WWC2: variants seen among roughly 807,000 people sequenced by gnomAD.
WWC2 encodes WW and C2 domain containing 2.
A neutral mutation model predicts 138.5 loss-of-function variants in WWC2; 101 were observed. That is an observed-to-expected ratio of 0.73 (90% confidence interval 0.62 to 0.86). WWC2 has a LOEUF of 0.86. Ranked by LOEUF, WWC2 falls within the 40% of genes least tolerant of loss-of-function variation. The pLI is 0.00. For synonymous variants in WWC2, 558 were observed against 538.4 expected, an observed-to-expected ratio of 1.04 and a Z score of -0.50; for missense variants, 1,420 against 1,419.4, an observed-to-expected ratio of 1.00 and a Z score of -0.01.
At chr4:183,151,806 A>T (rs557324383) in intron 1 of WWC2, among the ~76,000 whole-genome samples, 17 of 152,174 alleles carry the variant, frequency 1.1e-4, no homozygotes, top group Non-Finnish European at 2.2e-4. Flanking sequence ...AATCCTTTCA[A>T]CATTTCTTGT....
In WWC2 at chr4:183,248,803, T is replaced by C. The variant is rs760341299; in HGVS notation, c.822T>C (p.His274=). The C allele has an allele frequency of 6.2e-7, 1 of 1,603,920 alleles. No individual in the cohort carries two copies. Among genetic ancestry groups the C allele is most frequent in the South Asian group, 1.1e-5 (1 of 88,882 alleles). The part of the protein sequence containing the change: ...PDLRCSPVNS[H]LCLSRQTLDA... Reference sequence around the variant, plus strand: ...TGAGATGTAGTCCTGTGAACTCTCATTTATGTCTCTCCAGACAGACCCTTG... The same window carrying C: ...TGAGATGTAGTCCTGTGAACTCTCACTTATGTCTCTCCAGACAGACCCTTG... The change falls in exon 7 of 23, where the codon CAT becomes CAC. Residue 274 remains histidine (H), a synonymous_variant. Coordinates refer to ENST00000403733, the MANE Select transcript of WWC2 (RefSeq NM_024949.6).
At chr4:183,282,991 G>A in intron 18 of WWC2, 85 bp downstream of exon 18, 2 of 1,352,704 alleles carry the variant, frequency 1.5e-6, no homozygotes, top group Non-Finnish European at 2.0e-6. Context: ...CTCCTTAGGT[G>A]TAAATTCCAT....
At position 183,268,940 on chromosome 4, in the gene WWC2, A is replaced by G. The variant is rs371139690; in HGVS notation, c.2208-31A>G. ...TGAATCTGGTATAATTAAAGTACCT[A>G]TGAAATCCATTTTATTCTTGTTCTT... is the stretch of plus-strand genomic sequence containing the variant. On this transcript the variant is annotated intron_variant, in intron 14 of 22. Coordinates refer to ENST00000403733, the MANE Select transcript of WWC2 (RefSeq NM_024949.6). 68 of 1,580,598 alleles carry G rather than the reference A, an allele frequency of 4.3e-5. No individual in the cohort carries two copies. The African/African-American group carries it at 8.7e-4, about 20-fold the overall frequency.
Position 183,254,090 on chromosome 4 carries a change from G to A in WWC2, c.1196+91G>A, listed in dbSNP as rs1438954930. On this transcript the variant is annotated intron_variant, in intron 9 of 22. Transcript: ENST00000403733. ...TTCCCTGGGTTTGGAAATCTCAATT[G>A]CATCTGTTCTTAGTGGACTGAGAAA... The A allele has an allele frequency of 3.3e-6, 5 of 1,511,780 alleles. No individual in the cohort carries two copies. In the African/African-American group the frequency reaches 5.6e-5, roughly 17 times the overall value. 93.6% of individuals were successfully genotyped at this position (1,511,780 alleles called of 1,614,324 possible). A position where few individuals can be genotyped will look rare whatever the true frequency, so the allele number is the denominator to read the frequency against.
intron 1 of WWC2, among the ~76,000 whole-genome samples, chr4:183,109,970 A>T (rs1263221076): frequency 6.6e-6 from 1 of 152,208 alleles, no homozygotes; most frequent in African/African-American, 2.4e-5. Context: ...TAAGGTAAGA[A>T]TGATTTCATG....
At chr4:183,236,199 A>G (rs572415724) in intron 4 of WWC2, among the ~76,000 whole-genome samples, 18 of 152,278 alleles carry the variant, frequency 1.2e-4, no homozygotes, top group East Asian at 5.8e-4. Flanking sequence ...TTCTATGTCA[A>G]TGTGTCTGTC....
chr4:183,246,021 TG>T (rs1736768834), intron 6 of WWC2, among the ~76,000 whole-genome samples: 1 of 152,040 alleles, frequency 6.6e-6, no homozygotes, highest in African/African-American at 2.4e-5. Flanking sequence ...CAGCTAAGGG[TG>T]GGGCGGGGAG....
chr4:183,244,917 A>G (rs1330778457), intron 5 of WWC2, among the ~76,000 whole-genome samples: 5 of 152,134 alleles, frequency 3.3e-5, no homozygotes, highest in African/African-American at 1.2e-4. Flanking sequence ...TTTGAGCCCA[A>G]AAGTGATTAG....
At chr4:183,145,339 G>T (rs1733422667) in intron 1 of WWC2, among the ~76,000 whole-genome samples, 2 of 150,222 alleles carry the variant, frequency 1.3e-5, no homozygotes, top group Non-Finnish European at 2.9e-5. Flanking sequence ...TATTTAGAAG[G>T]ATTATTTTTT....
chr4:183,141,366 T>A (rs1450651020), intron 1 of WWC2, among the ~76,000 whole-genome samples: 3 of 152,124 alleles, frequency 2.0e-5, no homozygotes, highest in Non-Finnish European at 4.4e-5. Context: ...AGAACATCAA[T>A]TCTATGAGAT....
At chr4:183,126,524 C>T (rs559355293) in intron 1 of WWC2, among the ~76,000 whole-genome samples, 1 of 152,114 alleles carries the variant, frequency 6.6e-6, no homozygotes, top group Non-Finnish European at 1.5e-5. Context: ...TGGCAAATAA[C>T]ACTAGGGGGT....
At chr4:183,184,141 C>T (rs1035869583) in intron 1 of WWC2, among the ~76,000 whole-genome samples, 3 of 152,078 alleles carry the variant, frequency 2.0e-5, no homozygotes, top group African/African-American at 4.8e-5. Flanking sequence ...TTCTATTTAC[C>T]CCTTTCCTTG....
rs1240093383 is a variant in WWC2, at chr4:183,277,841, A to C, written c.2563-2935A>C. 2.7e-4 allele frequency among the ~76,000 whole-genome samples: 41 copies of C among 150,038 alleles called. 2 individuals are homozygous for C. The highest frequency in any genetic ancestry group is 3.0e-5 in the Non-Finnish European group (2 of 67,044). On this transcript the variant is annotated intron_variant, in intron 16 of 22. Coordinates refer to ENST00000403733, the MANE Select transcript of WWC2 (RefSeq NM_024949.6). ...TTTGATGGGGTTGTTTTTTTCTTGTAAATTTGTTTGAGTTCATTGTAGATT... is the reference window on the plus strand; with the variant it reads ...TTTGATGGGGTTGTTTTTTTCTTGTCAATTTGTTTGAGTTCATTGTAGATT...
intron 21 of WWC2, among the ~76,000 whole-genome samples, chr4:183,309,705 C>G (rs1579077574): frequency 6.6e-6 from 1 of 152,340 alleles, no homozygotes; most frequent in Middle Eastern, 3.4e-3. Context: ...ACATACAATT[C>G]AGCAGTTGTG....
chr4:183,171,615 G>A (rs1037129145), intron 1 of WWC2, among the ~76,000 whole-genome samples: 8 of 149,120 alleles, frequency 5.4e-5, no homozygotes, highest in African/African-American at 1.0e-4. Context: ...AAAACTTTAC[G>A]TTAATCAAAG....
At chr4:183,146,195 G>A (rs894283004) in intron 1 of WWC2, among the ~76,000 whole-genome samples, 2 of 152,144 alleles carry the variant, frequency 1.3e-5, no homozygotes, top group Non-Finnish European at 2.9e-5. Flanking sequence ...ATGCCAAGTG[G>A]GGTTCTGATT....
chr4:183,188,362 C>A (rs955667075), intron 1 of WWC2, among the ~76,000 whole-genome samples: 7 of 151,844 alleles, frequency 4.6e-5, no homozygotes, highest in African/African-American at 1.7e-4. Flanking sequence ...CTCAGCCTCC[C>A]GAGTAGCTGG....
At chr4:183,219,127 T>C (rs1735849360) in intron 4 of WWC2, among the ~76,000 whole-genome samples, 1 of 152,102 alleles carries the variant, frequency 6.6e-6, no homozygotes, top group South Asian at 2.1e-4. Flanking sequence ...GTAAGGTACC[T>C]AGAATAAGCA....
In WWC2 at chr4:183,168,042, G is replaced by A. The variant is rs567252391; in HGVS notation, c.132-25557G>A. On this transcript the variant is annotated intron_variant, in intron 1 of 22. Coordinates refer to ENST00000403733, the MANE Select transcript of WWC2 (RefSeq NM_024949.6). ...AGCCAATTTTTTTGTATTTTTAGTA[G>A]AGACAGGGTTTCTCCATGTTGGCCA... Among the ~76,000 whole-genome samples the A allele has an allele frequency of 2.0e-5, 3 of 152,038 alleles. No homozygotes were observed. In the East Asian group the frequency reaches 5.8e-4, roughly 29 times the overall value.
Sources: allele counts gnomAD v4.1 joint callset (sites outside exome capture counted in the v4.1 genomes callset), GRCh38; gene constraint gnomAD v4.1.1; transcripts MANE v1.5; gene names NCBI Gene and HGNC (gene_info 2026-07-23, HGNC 2026-07-21).